Variants in FAM78B observed in about 807,000 individuals in gnomAD.
FAM78B encodes the protein protein FAM78B.
FAM78B carries 10 observed loss-of-function variants against 20.0 expected under a neutral mutation model. That is an observed-to-expected ratio of 0.50 (90% CI 0.31 to 0.85). FAM78B has a LOEUF of 0.85. Among genes scored for constraint, FAM78B ranks in the 40% least tolerant of loss-of-function variants. The probability of loss-of-function intolerance (pLI) is 0.05; values close to 1 mark genes in which losing one functional copy is unlikely to be tolerated. For missense variants in FAM78B, 283 were observed against 345.0 expected (o/e 0.82, Z 1.42); for synonymous variants, 135 against 132.8 (o/e 1.02, Z -0.12).
At chr1:166,067,338 T>G (rs895766031), downstream of FAM78B, among the ~76,000 whole-genome samples, 2 of 152,044 alleles carry the variant, frequency 1.3e-5, no homozygotes, top group Non-Finnish European at 2.9e-5. Flanking sequence ...TTAAGAAAAC[T>G]TAAGGCCTGA....
intron 2 of FAM78B, among the ~76,000 whole-genome samples, chr1:166,062,173 G>A (rs1248836476): frequency 6.6e-6 from 1 of 152,134 alleles, no homozygotes; most frequent in Non-Finnish European, 1.5e-5. Context: ...CACTGAGATT[G>A]GCCTTCTTCC....
intron 2 of FAM78B, among the ~76,000 whole-genome samples, chr1:166,061,330 C>CT (rs528388296): frequency 2.0e-5 from 3 of 151,498 alleles, no homozygotes; most frequent in Middle Eastern, 3.4e-3. Context: ...GCATCCTTCT[C>CT]TTTTTTTTTC....
intron 1 of FAM78B, among the ~76,000 whole-genome samples, chr1:166,075,013 G>C (rs1185427005): frequency 2.0e-5 from 3 of 152,190 alleles, no homozygotes; most frequent in Non-Finnish European, 1.5e-5. Flanking sequence ...GCATGGATGT[G>C]AGTGTCCAGG....
At chr1:166,148,251 C>A (rs1655539265) in intron 1 of FAM78B, among the ~76,000 whole-genome samples, 2 of 152,180 alleles carry the variant, frequency 1.3e-5, no homozygotes, top group African/African-American at 4.8e-5. Context: ...AGTAATTTGG[C>A]AAGAGCGATT....
chr1:166,159,153 G>A (rs1656036735), intron 1 of FAM78B, among the ~76,000 whole-genome samples: 1 of 152,216 alleles, frequency 6.6e-6, no homozygotes. Context: ...GGTGCATGAT[G>A]ACAGTAACAG....
chr1:166,127,252 G>A (rs1017193232), intron 1 of FAM78B, among the ~76,000 whole-genome samples: 10 of 152,194 alleles, frequency 6.6e-5, no homozygotes, highest in African/African-American at 2.4e-4. Flanking sequence ...TTTGGCAGCT[G>A]CAATCACTGA....
At chr1:166,077,768 T>C (rs1204386040) in intron 1 of FAM78B, among the ~76,000 whole-genome samples, 2 of 137,950 alleles carry the variant, frequency 1.4e-5, no homozygotes, top group South Asian at 2.1e-4. Flanking sequence ...TATTTATATA[T>C]GAATTATATA....
intron 1 of FAM78B, among the ~76,000 whole-genome samples, chr1:166,130,264 G>A (rs1043614122): frequency 2.3e-4 from 35 of 152,214 alleles, no homozygotes; most frequent in African/African-American, 8.0e-4. Flanking sequence ...TGATGTGAAA[G>A]CATGGACGTA....
At chr1:166,144,313 G>C (rs893455125) in intron 1 of FAM78B, among the ~76,000 whole-genome samples, 7 of 151,424 alleles carry the variant, frequency 4.6e-5, no homozygotes, top group Non-Finnish European at 7.4e-5. Context: ...TCTAGAAATG[G>C]GCCCGATTTT....
chr1:166,157,603 G>C (rs931167099), intron 1 of FAM78B, among the ~76,000 whole-genome samples: 1 of 152,148 alleles, frequency 6.6e-6, no homozygotes, highest in Non-Finnish European at 1.5e-5. Context: ...TTGGGAGCCA[G>C]AGGTATGTCC....
chr1:166,078,737 G>A (rs1168235316), intron 1 of FAM78B, among the ~76,000 whole-genome samples: 1 of 151,728 alleles, frequency 6.6e-6, no homozygotes, highest in African/African-American at 2.4e-5. Context: ...TTGGAGGCAG[G>A]GAGTGGGCAG....
chr1:166,163,082 T>A (rs12407378), intron 1 of FAM78B, among the ~76,000 whole-genome samples: 4,067 of 152,316 alleles, frequency 0.027, 229 homozygotes, highest in Admixed American at 0.13. Flanking sequence ...TTCCTTTTTC[T>A]TTGGTGCTGC....
chr1:166,155,933 C>A (rs1655874215), intron 1 of FAM78B, among the ~76,000 whole-genome samples: 1 of 152,218 alleles, frequency 6.6e-6, no homozygotes, highest in Non-Finnish European at 1.5e-5. Flanking sequence ...CTGTTTCTGG[C>A]AGCTCTTGGA....
intron 1 of FAM78B, among the ~76,000 whole-genome samples, chr1:166,154,998 G>A (rs1655839068): frequency 6.6e-6 from 1 of 152,186 alleles, no homozygotes; most frequent in Admixed American, 6.5e-5. Context: ...CACCTGTGAG[G>A]TAGCTGAAAG....
chr1:166,119,011 C>T (rs2101766428), intron 1 of FAM78B, among the ~76,000 whole-genome samples: 2 of 152,178 alleles, frequency 1.3e-5, no homozygotes, highest in South Asian at 4.1e-4. Flanking sequence ...CAGGACAGGC[C>T]TCACACTTCC....
chr1:166,065,036 C>T (rs1651748153), downstream of FAM78B, among the ~76,000 whole-genome samples: 1 of 152,120 alleles, frequency 6.6e-6, no homozygotes. Flanking sequence ...CACTTGAAGG[C>T]ACAGCCTGGG....
chr1:166,056,367 C>G (rs1340673487), downstream of FAM78B, among the ~76,000 whole-genome samples: 1 of 152,096 alleles, frequency 6.6e-6, no homozygotes, highest in Non-Finnish European at 1.5e-5. Context: ...GTGGACCCCA[C>G]AGAAGGGTCA....
At chr1:166,112,720 A>C (rs895706156) in intron 1 of FAM78B, among the ~76,000 whole-genome samples, 2 of 152,190 alleles carry the variant, frequency 1.3e-5, no homozygotes, top group Non-Finnish European at 2.9e-5. Flanking sequence ...TATGGCAGCA[A>C]GGCTATGGTC....
intron 1 of FAM78B, among the ~76,000 whole-genome samples, chr1:166,080,607 TTTCTC>T (rs1380753857): frequency 6.6e-6 from 1 of 152,222 alleles, no homozygotes; most frequent in Non-Finnish European, 1.5e-5. Flanking sequence ...GCTTCTGCCT[TTTCTC>T]TTCATCTTCA....
Sources: gnomAD v4.1 joint callset for allele counts (sites outside exome capture counted in the v4.1 genomes callset) on GRCh38, gnomAD v4.1.1 for gene constraint, MANE v1.5 for transcripts, NCBI Gene and HGNC (gene_info 2026-07-23, HGNC 2026-07-21) for gene names.